GAB2: variants seen among roughly 807,000 people sequenced by gnomAD.
GAB2 encodes GRB2-associated-binding protein 2.
Under a neutral mutation model 65.5 loss-of-function variants are expected in GAB2, and 26 were observed. The ratio of observed to expected loss-of-function variants is 0.40; its 90% CI spans 0.29 to 0.55. The LOEUF (loss-of-function observed/expected upper bound fraction) is 0.55. GAB2 is among the 20% of genes least tolerant of loss of function. The pLI is 0.53. For synonymous variants in GAB2, 321 were observed against 329.6 expected (o/e 0.97, Z 0.28); for missense variants, 884 against 875.8 (o/e 1.01, Z -0.12).
intron 3 of GAB2, among the ~76,000 whole-genome samples, chr11:78,244,117 C>G (rs1865222787): frequency 1.3e-5 from 2 of 152,104 alleles, no homozygotes; most frequent in Non-Finnish European, 2.9e-5. Context: ...TGGCTCACAT[C>G]TGTAATCCCA....
intron 1 of GAB2, among the ~76,000 whole-genome samples, chr11:78,299,211 A>G (rs188175686): frequency 1.6e-3 from 239 of 152,308 alleles, no homozygotes; most frequent in African/African-American, 5.4e-3. Flanking sequence ...AGGAGTTTAG[A>G]TATTCAGGTT....
At chr11:78,227,296 A>G (rs1009042984) in intron 3 of GAB2, among the ~76,000 whole-genome samples, 2 of 152,230 alleles carry the variant, frequency 1.3e-5, no homozygotes, top group Non-Finnish European at 2.9e-5. Flanking sequence ...CTGAACAAGT[A>G]TCAATAAGCC....
chr11:78,386,294 A>G (rs1262159623), intron 1 of GAB2, among the ~76,000 whole-genome samples: 12 of 152,192 alleles, frequency 7.9e-5, no homozygotes, highest in Non-Finnish European at 1.6e-4. Flanking sequence ...ACCCACTACC[A>G]CAATGTCTTC....
At position 78,222,440 on chromosome 11, in the gene GAB2, C is replaced by A. The variant is rs535296645; in HGVS notation, c.1568-245G>T. On this transcript the variant is annotated intron_variant, in intron 6 of 9. Transcript: ENST00000361507. The stretch of plus-strand genomic sequence containing the variant: ...TCTATGGTAATTATATTTTCAGAAT[C>A]AAAAGTGGGGACACAGGGTTTGACA... Among the ~76,000 whole-genome samples the A allele has an allele frequency of 3.0e-4, 45 of 151,078 alleles. No individual in the cohort carries two copies. In the East Asian group the frequency reaches 8.7e-3, roughly 29 times the overall value.
At chr11:78,377,882 T>A (rs1856651584) in intron 1 of GAB2, among the ~76,000 whole-genome samples, 1 of 152,178 alleles carries the variant, frequency 6.6e-6, no homozygotes, top group African/African-American at 2.4e-5. Context: ...AAAAAGCAAG[T>A]ACTGAATAAC....
At chr11:78,388,704 C>G (rs1856798369) in intron 1 of GAB2, among the ~76,000 whole-genome samples, 1 of 152,144 alleles carries the variant, frequency 6.6e-6, no homozygotes, top group African/African-American at 2.4e-5. Context: ...ATGTTCTCTA[C>G]CAACCTTTTG....
intron 1 of GAB2, among the ~76,000 whole-genome samples, chr11:78,403,515 A>C (rs1857001307): frequency 6.6e-6 from 1 of 152,246 alleles, no homozygotes; most frequent in South Asian, 2.1e-4. Context: ...TAAATGTTCT[A>C]GGAAAACTTG....
chr11:78,398,794 G>C (rs776630586), intron 1 of GAB2, among the ~76,000 whole-genome samples: 8 of 152,188 alleles, frequency 5.3e-5, no homozygotes, highest in Non-Finnish European at 8.8e-5. Flanking sequence ...GAAATGGCTA[G>C]CTAATTCCAG....
At chr11:78,293,573 T>C (rs1275328574) in intron 1 of GAB2, among the ~76,000 whole-genome samples, 1 of 152,164 alleles carries the variant, frequency 6.6e-6, no homozygotes, top group African/African-American at 2.4e-5. Context: ...ACTCCAACTA[T>C]AGGCTTCAAG....
intron 3 of GAB2, among the ~76,000 whole-genome samples, chr11:78,246,540 C>T (rs1865302678): frequency 6.6e-6 from 1 of 152,018 alleles, no homozygotes; most frequent in Non-Finnish European, 1.5e-5. Flanking sequence ...ACTCAGTTGC[C>T]CAGGCTGGAG....
intron 2 of GAB2, among the ~76,000 whole-genome samples, chr11:78,262,299 G>C (rs1865755521): frequency 6.6e-6 from 1 of 152,220 alleles, no homozygotes; most frequent in Non-Finnish European, 1.5e-5. Flanking sequence ...GATGGTACCT[G>C]AATCCAAGAG....
chr11:78,400,275 T>C (rs1348713097), intron 1 of GAB2, among the ~76,000 whole-genome samples: 1 of 152,146 alleles, frequency 6.6e-6, no homozygotes, highest in Non-Finnish European at 1.5e-5. Context: ...CCACCTCCTA[T>C]TCCAGGAAGC....
At chr11:78,367,398 T>G (rs1856511443) in intron 1 of GAB2, among the ~76,000 whole-genome samples, 2 of 152,230 alleles carry the variant, frequency 1.3e-5, no homozygotes, top group Admixed American at 1.3e-4. Flanking sequence ...TACAGCAGAC[T>G]AGAAAGCATA....
Position 78,248,256 on chromosome 11 carries a change from C to T in GAB2, c.620+1901G>A, listed in dbSNP as rs951154907. ...GAGGTAGGGGTGCAGAGAGTGGGCC[C>T]TAAAGGCTAATTCAAGCAGAGATGT... On this transcript the variant is annotated intron_variant, in intron 3 of 9. Transcript: ENST00000361507. 3.9e-5 allele frequency among the ~76,000 whole-genome samples: 6 copies of T among 151,998 alleles called. No homozygotes were observed. The East Asian group carries it at 9.6e-4, about 24-fold the overall frequency.
intron 1 of GAB2, among the ~76,000 whole-genome samples, chr11:78,389,822 T>C (rs2135062238): frequency 6.6e-6 from 1 of 152,342 alleles, no homozygotes; most frequent in South Asian, 2.1e-4. Context: ...TCCCCACAAG[T>C]TACCAATATC....
intron 1 of GAB2, among the ~76,000 whole-genome samples, chr11:78,401,208 A>G (rs1856967224): frequency 6.6e-6 from 1 of 152,086 alleles, no homozygotes; most frequent in African/African-American, 2.4e-5. Context: ...GTACATTCAC[A>G]TTGCTGTTGC....
At chr11:78,309,971 T>TGTGTGTGTGTGTGTGTGTGTGTGTGTGC (rs1421836447) in intron 1 of GAB2, among the ~76,000 whole-genome samples, 2 of 120,090 alleles carry the variant, frequency 1.7e-5, no homozygotes, top group African/African-American at 7.1e-5. Context: ...TGTGTGTGTG[T>TGTGTGTGTGTGTGTGTGTGTGTGTGTGC]GCGCGCGCGC....
At chr11:78,383,335 T>C (rs1856721124) in intron 1 of GAB2, among the ~76,000 whole-genome samples, 1 of 151,964 alleles carries the variant, frequency 6.6e-6, no homozygotes, top group Non-Finnish European at 1.5e-5. Flanking sequence ...GACTGGCAAG[T>C]AGAGAATACT....
In GAB2 at chr11:78,215,650, A is replaced by AAAT. The variant is rs757343012; in HGVS notation, c.*3619_*3621dup. On this transcript the variant is annotated 3_prime_UTR_variant, in exon 10 of 10. Transcript: ENST00000361507. ...AGATTTCAAGACACAAGTAGCCAACAAATACACAACACATGCCACCATAAA... is the reference window on the plus strand; with the variant it reads ...AGATTTCAAGACACAAGTAGCCAACAAATAATACACAACACATGCCACCATAAA... 1 of 152,322 alleles carries AAAT rather than the reference A, an allele frequency of 6.6e-6. No homozygotes were observed. Among genetic ancestry groups the AAAT allele is most frequent in the Non-Finnish European group, 1.5e-5 (1 of 68,044 alleles). The allele number at this position is 152,322 out of a possible 1,614,324, so 9.4% of individuals were successfully genotyped here.
Sources: gnomAD v4.1 joint callset for allele counts (sites outside exome capture counted in the v4.1 genomes callset) on GRCh38, gnomAD v4.1.1 for gene constraint, MANE v1.5 for transcripts, NCBI Gene and HGNC (gene_info 2026-07-23, HGNC 2026-07-21) for gene names.